Variants in CDH4 observed in about 807,000 individuals in gnomAD.
CDH4 encodes the protein cadherin 4.
A neutral mutation model predicts 86.0 loss-of-function variants in CDH4; 33 were observed. The observed-to-expected ratio is 0.38, with a 90% CI of 0.29 to 0.51. The LOEUF (loss-of-function observed/expected upper bound fraction) is 0.51. CDH4 is among the 20% of genes least tolerant of loss of function. The pLI is 0.86. For synonymous variants in CDH4, 555 were observed against 549.4 expected (o/e 1.01, Z -0.14); for missense variants, 1,114 against 1,307.4 (o/e 0.85, Z 2.28).
chr20:61,867,964 A>G (rs971792694), intron 6 of CDH4, among the ~76,000 whole-genome samples: 4 of 151,834 alleles, frequency 2.6e-5, no homozygotes, highest in African/African-American at 9.7e-5. Flanking sequence ...TTCTGCAAAA[A>G]CTCCACCACA....
At chr20:61,360,814 G>A (rs997108607) in intron 2 of CDH4, among the ~76,000 whole-genome samples, 3 of 152,208 alleles carry the variant, frequency 2.0e-5, no homozygotes, top group African/African-American at 7.2e-5. Context: ...CTCAATTCTA[G>A]AAAGGAGGCT....
At chr20:61,508,022 T>C (rs1198012248) in intron 2 of CDH4, among the ~76,000 whole-genome samples, 2 of 152,228 alleles carry the variant, frequency 1.3e-5, no homozygotes, top group African/African-American at 2.4e-5. Context: ...TCCTGCTGTC[T>C]CTGTGCGCAC....
intron 4 of CDH4, among the ~76,000 whole-genome samples, chr20:61,832,092 G>A (rs1342668141): frequency 6.6e-6 from 1 of 152,230 alleles, no homozygotes; most frequent in Non-Finnish European, 1.5e-5. Flanking sequence ...CCAACCTCCA[G>A]CCATGGCAGC....
At chr20:61,591,875 A>C (rs1374908527) in intron 2 of CDH4, among the ~76,000 whole-genome samples, 1 of 149,758 alleles carries the variant, frequency 6.7e-6, no homozygotes, top group Non-Finnish European at 1.5e-5. Flanking sequence ...GTCCTTCATT[A>C]TTGGGAAGCC....
At chr20:61,338,519 C>G (rs368238394) in intron 2 of CDH4, among the ~76,000 whole-genome samples, 1 of 152,168 alleles carries the variant, frequency 6.6e-6, no homozygotes, top group African/African-American at 2.4e-5. Flanking sequence ...GGGGACTTGT[C>G]TCTTGCTGCT....
intron 2 of CDH4, among the ~76,000 whole-genome samples, chr20:61,443,362 C>G (rs763748200): frequency 6.6e-6 from 1 of 152,148 alleles, no homozygotes; most frequent in Non-Finnish European, 1.5e-5. Context: ...GGTGTTAAAC[C>G]CTGAGCCGCT....
rs1389986689 is a variant in CDH4 at position 61,634,157 on chromosome 20, G to C, written c.170-109406G>C. On this transcript the variant is annotated intron_variant, in intron 2 of 15. Transcript: ENST00000614565. ...AAACGAGTGACACATTTCATGAAAG[G>C]GCTCTGCAAACCGTAAAGCTCTGTA... 5.3e-5 allele frequency among the ~76,000 whole-genome samples: 8 copies of C among 152,238 alleles called. No homozygotes were observed. In the South Asian group the frequency reaches 8.3e-4, roughly 16 times the overall value.
chr20:61,263,388 G>C (rs79616146), intron 2 of CDH4, among the ~76,000 whole-genome samples: 3,344 of 152,260 alleles, frequency 0.022, 85 homozygotes, highest in African/African-American at 0.075. Context: ...CTTTGACCCA[G>C]TATGTGCTCC....
chr20:61,297,340 G>T (rs1465789947), intron 2 of CDH4, among the ~76,000 whole-genome samples: 1 of 152,172 alleles, frequency 6.6e-6, no homozygotes, highest in Non-Finnish European at 1.5e-5. Flanking sequence ...GAGGAGCCGA[G>T]ATCGCGCCAT....
intron 6 of CDH4, among the ~76,000 whole-genome samples, chr20:61,857,554 C>A (rs764715268): frequency 3.3e-5 from 5 of 152,264 alleles, no homozygotes; most frequent in Non-Finnish European, 7.3e-5. Context: ...ACTAGGGGCC[C>A]CCCATGTGGA....
intron 4 of CDH4, among the ~76,000 whole-genome samples, chr20:61,781,745 A>C (rs970434897): frequency 6.6e-5 from 10 of 152,246 alleles, no homozygotes; most frequent in Admixed American, 3.9e-4. Flanking sequence ...GTAGTGAAAC[A>C]AACTTACAGA....
intron 2 of CDH4, among the ~76,000 whole-genome samples, chr20:61,520,358 G>T: frequency 6.6e-6 from 1 of 152,316 alleles, no homozygotes; most frequent in African/African-American, 2.4e-5. Flanking sequence ...CCACACCCTT[G>T]GGTTGAAATG....
At chr20:61,768,134 G>A (rs983495332) in intron 3 of CDH4, among the ~76,000 whole-genome samples, 3 of 152,180 alleles carry the variant, frequency 2.0e-5, no homozygotes, top group African/African-American at 7.2e-5. Context: ...GAGTGGGTAC[G>A]GCCAAGATAT....
At chr20:61,359,696 G>A (rs541149833) in intron 2 of CDH4, among the ~76,000 whole-genome samples, 2 of 152,314 alleles carry the variant, frequency 1.3e-5, no homozygotes, top group African/African-American at 4.8e-5. Flanking sequence ...AGAGAGGAAG[G>A]GAGAAAACCT....
At chr20:61,718,417 C>T (rs938013626) in intron 2 of CDH4, 1 of 194,080 alleles carries the variant, frequency 5.2e-6, no homozygotes, top group African/African-American at 2.3e-5. Context: ...AAAAGGAATG[C>T]TCCTCTCTGG....
In CDH4 at chr20:61,893,210, G is replaced by C. The variant is rs1161248118; in HGVS notation, c.1051-1700G>C. ...GGATAAATGAATGGGTGGCTGAATA[G>C]AGGGATAGATGGATGGGTGACCACA... On this transcript the variant is annotated intron_variant, in intron 7 of 15. Coordinates refer to ENST00000614565, the MANE Select transcript of CDH4 (RefSeq NM_001794.5). Among the ~76,000 whole-genome samples, 8 of 109,366 alleles carry C rather than the reference G, an allele frequency of 7.3e-5. 1 individual carries two copies. Among genetic ancestry groups the C allele is most frequent in the Non-Finnish European group, 1.5e-4 (8 of 53,050 alleles). The allele number at this position is 109,366 out of a possible 152,430, so 71.7% of individuals were successfully genotyped here.
intron 8 of CDH4, among the ~76,000 whole-genome samples, chr20:61,895,577 A>G: frequency 6.6e-6 from 1 of 152,122 alleles, no homozygotes; most frequent in East Asian, 1.9e-4. Context: ...TTCACAGGGG[A>G]CCAAACTCTC....
rs567928251 is a variant in CDH4 at position 61,492,603 on chromosome 20, A to C, written c.169+237666A>C. 1.2e-3 allele frequency among the ~76,000 whole-genome samples: 177 copies of C among 152,230 alleles called. 6 individuals are homozygous for C. The highest frequency in any genetic ancestry group is 3.7e-3 in the South Asian group (18 of 4,814). On this transcript the variant is annotated intron_variant, in intron 2 of 15. Coordinates refer to ENST00000614565, the MANE Select transcript of CDH4 (RefSeq NM_001794.5). ...GTTTGTTTTCCTGATGAAGACTCAG[A>C]TAGATGGTGGCATGCTTTGTGTCAG... is the stretch of plus-strand genomic sequence containing the variant.
intron 2 of CDH4, among the ~76,000 whole-genome samples, chr20:61,426,918 G>A (rs1441895059): frequency 2.0e-5 from 3 of 152,188 alleles, no homozygotes; most frequent in African/African-American, 4.8e-5. Flanking sequence ...CAGCTGTATA[G>A]TCCTGGGCTA....
Sources: gnomAD v4.1 joint callset for allele counts (sites outside exome capture counted in the v4.1 genomes callset) on GRCh38, gnomAD v4.1.1 for gene constraint, MANE v1.5 for transcripts, NCBI Gene and HGNC (gene_info 2026-07-23, HGNC 2026-07-21) for gene names.